The following NPSR1 variants were observed in gnomAD, a reference collection of about 807,000 sequenced individuals.
NPSR1 encodes neuropeptide S receptor 1, also known as neuropeptide S receptor.
In NPSR1, 48 loss-of-function variants were observed where a neutral mutation model predicts 46.9. The ratio of observed to expected loss-of-function variants is 1.02; its 90% confidence interval spans 0.81 to 1.30. The LOEUF (loss-of-function observed/expected upper bound fraction) is 1.30. Ranked by LOEUF, NPSR1 falls within the 50% of genes most tolerant of loss-of-function variation. The pLI is 0.00. For missense variants in NPSR1, 450 were observed against 449.5 expected (o/e 1.00, Z -0.01); for synonymous variants, 176 against 168.1 (o/e 1.05, Z -0.36).
At chr7:34,790,970 T>C (rs1187518471) in intron 3 of NPSR1, among the ~76,000 whole-genome samples, 1 of 63,014 alleles carries the variant, frequency 1.6e-5, no homozygotes, top group Non-Finnish European at 4.4e-5. Flanking sequence ...TTATATTATA[T>C]ATGTTATATG....
At chr7:34,792,727 A>ATG (rs1787989153) in intron 3 of NPSR1, among the ~76,000 whole-genome samples, 1 of 81,720 alleles carries the variant, frequency 1.2e-5, no homozygotes, top group Non-Finnish European at 2.7e-5. Flanking sequence ...ATATATATAT[A>ATG]TATATATTAG....
chr7:34,717,272 A>G (rs1395279445), intron 2 of NPSR1, among the ~76,000 whole-genome samples: 1 of 152,160 alleles, frequency 6.6e-6, no homozygotes, highest in Non-Finnish European at 1.5e-5. Context: ...AGCTTCGATT[A>G]CAGGCATGTG....
intron 2 of NPSR1, among the ~76,000 whole-genome samples, chr7:34,742,393 C>T (rs1266928018): frequency 6.6e-6 from 1 of 152,210 alleles, no homozygotes; most frequent in Non-Finnish European, 1.5e-5. Flanking sequence ...TCATTTAGCT[C>T]ACACTTGTAA....
intron 2 of NPSR1, among the ~76,000 whole-genome samples, chr7:34,762,911 A>G (rs1241950533): frequency 6.6e-6 from 1 of 152,214 alleles, no homozygotes; most frequent in Admixed American, 6.5e-5. Flanking sequence ...CTACGTATTC[A>G]TTATTCTATG....
intron 3 of NPSR1, among the ~76,000 whole-genome samples, chr7:34,788,253 C>A (rs1339979180): frequency 6.6e-6 from 1 of 151,550 alleles, no homozygotes. Flanking sequence ...CAAAGCAAAA[C>A]CTGTAGTAGA....
intron 4 of NPSR1, among the ~76,000 whole-genome samples, chr7:34,825,676 T>G (rs893829274): frequency 6.6e-6 from 1 of 152,120 alleles, no homozygotes; most frequent in African/African-American, 2.4e-5. Context: ...CCCCACAGGA[T>G]AATTTCCAAA....
intron 2 of NPSR1, among the ~76,000 whole-genome samples, chr7:34,715,779 T>C (rs1783531580): frequency 6.6e-6 from 1 of 152,194 alleles, no homozygotes; most frequent in Non-Finnish European, 1.5e-5. Flanking sequence ...TGGGTTCATC[T>C]TTGTAGCTAG....
At chr7:34,731,226 T>C (rs1784402846) in intron 2 of NPSR1, among the ~76,000 whole-genome samples, 1 of 152,092 alleles carries the variant, frequency 6.6e-6, no homozygotes, top group South Asian at 2.1e-4. Context: ...AAAAGGACTT[T>C]CTACAAATCA....
At chr7:34,847,687 A>T (rs1790787268) in intron 7 of NPSR1, among the ~76,000 whole-genome samples, 1 of 152,206 alleles carries the variant, frequency 6.6e-6, no homozygotes, top group South Asian at 2.1e-4. Context: ...GGCCTTCAAC[A>T]GATTGGATGC....
chr7:34,732,018 C>CA (rs564669234), intron 2 of NPSR1, among the ~76,000 whole-genome samples: 8 of 134,056 alleles, frequency 6.0e-5, no homozygotes, highest in African/African-American at 1.7e-4. Context: ...CTATCTCTAC[C>CA]AAAAAAAATT....
At chr7:34,818,136 T>A (rs535492967) in intron 4 of NPSR1, among the ~76,000 whole-genome samples, 3 of 140,420 alleles carry the variant, frequency 2.1e-5, no homozygotes, top group Non-Finnish European at 4.9e-5. Context: ...TTGTCCCTAT[T>A]TGTAGACCAC....
intron 2 of NPSR1, chr7:34,752,143 A>G (rs1785571950): frequency 2.2e-6 from 1 of 458,302 alleles, no homozygotes; most frequent in African/African-American, 2.0e-5. Context: ...GAGCTTATAT[A>G]CCTTCCAAAC....
At chr7:34,828,584 C>T (rs999308450) in intron 5 of NPSR1, among the ~76,000 whole-genome samples, 5 of 152,154 alleles carry the variant, frequency 3.3e-5, no homozygotes, top group African/African-American at 1.2e-4. Flanking sequence ...GATGCTGCAC[C>T]TTTTGGGTAG....
intron 1 of NPSR1, among the ~76,000 whole-genome samples, chr7:34,663,132 A>G (rs1446012535): frequency 6.9e-6 from 1 of 144,106 alleles, no homozygotes; most frequent in Non-Finnish European, 1.5e-5. Flanking sequence ...TGGTGAAGAG[A>G]GTCTGATCTA....
chr7:34,672,762 T>TG, intron 1 of NPSR1, among the ~76,000 whole-genome samples: 1 of 152,248 alleles, frequency 6.6e-6, no homozygotes, highest in Non-Finnish European at 1.5e-5. Flanking sequence ...GTAATCATGG[T>TG]GTTGAGAGGT....
intron 8 of NPSR1, among the ~76,000 whole-genome samples, chr7:34,849,030 T>C (rs1399049213): frequency 2.6e-5 from 4 of 152,214 alleles, no homozygotes; most frequent in Non-Finnish European, 2.9e-5. Context: ...AAATCTTACA[T>C]GGTTAATAGC....
chr7:34,804,681 A>T (rs553628854), intron 3 of NPSR1, among the ~76,000 whole-genome samples: 39 of 152,124 alleles, frequency 2.6e-4, no homozygotes, highest in Non-Finnish European at 5.0e-4. Context: ...ATAATTTAAC[A>T]GGACAAGAAA....
At chr7:34,698,137 A>G (rs1001295291) in intron 2 of NPSR1, among the ~76,000 whole-genome samples, 2 of 152,192 alleles carry the variant, frequency 1.3e-5, no homozygotes, top group African/African-American at 4.8e-5. Context: ...GATTCTTGGA[A>G]TCACTTGTAG....
At chr7:34,671,988 G>A (rs1195205646) in intron 1 of NPSR1, among the ~76,000 whole-genome samples, 3 of 152,098 alleles carry the variant, frequency 2.0e-5, no homozygotes, top group East Asian at 1.9e-4. Context: ...TTTTAATTAC[G>A]TGGATCATCA....
Sources: gnomAD v4.1 joint callset for allele counts (sites outside exome capture counted in the v4.1 genomes callset) on GRCh38, gnomAD v4.1.1 for gene constraint, MANE v1.5 for transcripts, NCBI Gene and HGNC (gene_info 2026-07-23, HGNC 2026-07-21) for gene names.